RASSF5: variants seen among roughly 807,000 people sequenced by gnomAD.
The protein encoded by RASSF5 is ras association domain-containing protein 5.
RASSF5 carries 25 observed loss-of-function variants against 40.5 expected under a neutral mutation model. The observed-to-expected ratio is 0.62, with a 90% CI of 0.45 to 0.86. The LOEUF is 0.86. Ranked by LOEUF, RASSF5 falls within the 40% of genes least tolerant of loss-of-function variation. RASSF5 has a pLI of 0.00. For missense variants in RASSF5, 521 were observed against 572.8 expected (o/e 0.91, Z 0.92); for synonymous variants, 246 against 252.4 (o/e 0.97, Z 0.24).
chr1:206,538,718 G>A (rs923990309), intron 2 of RASSF5, among the ~76,000 whole-genome samples: 10 of 152,208 alleles, frequency 6.6e-5, no homozygotes, highest in African/African-American at 1.4e-4. Context: ...TTCTCTCCCT[G>A]TGTTAAAGAA....
intron 2 of RASSF5, among the ~76,000 whole-genome samples, chr1:206,564,342 T>C (rs1275768569): frequency 6.7e-6 from 1 of 148,414 alleles, no homozygotes; most frequent in Non-Finnish European, 1.5e-5. Context: ...CATCCCTCAC[T>C]CTCTGTTCTG....
intron 2 of RASSF5, among the ~76,000 whole-genome samples, chr1:206,549,707 C>G (rs1156665105): frequency 6.6e-6 from 1 of 152,158 alleles, no homozygotes; most frequent in East Asian, 1.9e-4. Context: ...TAAGATTTGT[C>G]AGGATTGGAA....
chr1:206,528,554 T>C (rs1322016487), intron 1 of RASSF5, among the ~76,000 whole-genome samples: 1 of 152,150 alleles, frequency 6.6e-6, no homozygotes, highest in Admixed American at 6.5e-5. Context: ...ATGTAAACTA[T>C]GGACTCTGGA....
chr1:206,555,942 T>C (rs1468136463), intron 2 of RASSF5, among the ~76,000 whole-genome samples: 1 of 152,044 alleles, frequency 6.6e-6, no homozygotes, highest in Non-Finnish European at 1.5e-5. Context: ...GGGGGCTGAG[T>C]CTAGTCCTCC....
chr1:206,518,616 A>T, intron 1 of RASSF5: 1 of 390,470 alleles, frequency 2.6e-6, no homozygotes, highest in Non-Finnish European at 4.5e-6. Flanking sequence ...CCCATAGAAA[A>T]GGAGTACAGG....
At chr1:206,529,788 G>A (rs1667189890) in intron 1 of RASSF5, 1 of 428,834 alleles carries the variant, frequency 2.3e-6, no homozygotes, top group Admixed American at 3.3e-5. Context: ...AACCAGGTGT[G>A]GTGGTGTGTG....
intron 2 of RASSF5, among the ~76,000 whole-genome samples, chr1:206,575,401 G>T (rs1378793095): frequency 2.0e-5 from 3 of 152,126 alleles, no homozygotes; most frequent in African/African-American, 7.2e-5. Flanking sequence ...TGGCTTCCGG[G>T]GTATTTTTTG....
At chr1:206,508,322 CCA>C (rs368124193) in intron 1 of RASSF5, among the ~76,000 whole-genome samples, 5,280 of 146,064 alleles carry the variant, frequency 0.036, 200 homozygotes, top group African/African-American at 0.099. Context: ...CCTTGGCCCT[CCA>C]CACACACACA....
Position 206,507,859 on chromosome 1 carries a change from G to T in RASSF5, c.257G>T (p.Gly86Val). The T allele has an allele frequency of 6.8e-7, 1 of 1,477,518 alleles. No individual in the cohort carries two copies. The highest frequency in any genetic ancestry group is 8.9e-7 in the Non-Finnish European group (1 of 1,120,828). 91.5% of individuals were successfully genotyped at this position (1,477,518 alleles called of 1,614,324 possible). Residue 86 changes from glycine to valine, a missense_variant, in exon 1 of 6, where the codon GGT (glycine) becomes GTT (valine). Coordinates refer to ENST00000579436, the MANE Select transcript of RASSF5 (RefSeq NM_182663.4). ...CGACCCGCTCGCCCGCTCCGGCCTG[G>T]TCTGCAGCAGAGACTGCGGCGGCGG... ...ASRPARPLRP[G>V]LQQRLRRRPG... is the part of the protein sequence containing the mutation.
At chr1:206,549,045 T>C (rs1447654874) in intron 2 of RASSF5, among the ~76,000 whole-genome samples, 1 of 152,134 alleles carries the variant, frequency 6.6e-6, no homozygotes, top group Non-Finnish European at 1.5e-5. Context: ...TTTGTATTTT[T>C]AGTAGAGACA....
chr1:206,511,881 C>A (rs915691266), intron 1 of RASSF5, among the ~76,000 whole-genome samples: 1 of 152,144 alleles, frequency 6.6e-6, no homozygotes, highest in Non-Finnish European at 1.5e-5. Flanking sequence ...GCAGACCCAT[C>A]CCCCGCTTGT....
chr1:206,563,377 G>A (rs1553402965), intron 2 of RASSF5, among the ~76,000 whole-genome samples: 3 of 152,158 alleles, frequency 2.0e-5, no homozygotes, highest in Admixed American at 6.5e-5. Context: ...CTGTTTCTTT[G>A]ACCTTGTACC....
At chr1:206,553,126 T>C (rs1293742276) in intron 2 of RASSF5, among the ~76,000 whole-genome samples, 2 of 151,942 alleles carry the variant, frequency 1.3e-5, no homozygotes, top group Non-Finnish European at 2.9e-5. Flanking sequence ...GGCGTGAACC[T>C]GGGAGGTGGA....
At chr1:206,540,854 C>T (rs1667528365) in intron 2 of RASSF5, among the ~76,000 whole-genome samples, 1 of 152,086 alleles carries the variant, frequency 6.6e-6, no homozygotes, top group African/African-American at 2.4e-5. Flanking sequence ...GTATATATGG[C>T]TTAGGGGGGT....
At chr1:206,525,144 CT>C (rs1421324027) in intron 1 of RASSF5, among the ~76,000 whole-genome samples, 4 of 152,190 alleles carry the variant, frequency 2.6e-5, no homozygotes, top group African/African-American at 7.2e-5. Context: ...CAGTACCTTC[CT>C]TTTGTTGATG....
At chr1:206,536,858 C>T (rs1553398747) in intron 1 of RASSF5, among the ~76,000 whole-genome samples, 2 of 152,058 alleles carry the variant, frequency 1.3e-5, no homozygotes, top group Non-Finnish European at 2.9e-5. Flanking sequence ...GATTCCAGCG[C>T]CTAGAAGGCT....
At chr1:206,550,098 C>T (rs143929995) in intron 2 of RASSF5, among the ~76,000 whole-genome samples, 33 of 152,246 alleles carry the variant, frequency 2.2e-4, no homozygotes, top group African/African-American at 6.3e-4. Flanking sequence ...CCTTAGTACC[C>T]GCTCTGCACC....
At position 206,578,344 on chromosome 1, in the gene RASSF5, T is replaced by C. The variant is rs375023507; in HGVS notation, c.580-4925T>C. On this transcript the variant is annotated intron_variant, in intron 2 of 5. Coordinates refer to ENST00000579436, the MANE Select transcript of RASSF5 (RefSeq NM_182663.4). ...AGCTTTAACCTTCCTGTGGCTCACT[T>C]TCCTTGACTGTAAAATGAGCATCAT... 7.9e-5 allele frequency among the ~76,000 whole-genome samples: 12 copies of C among 152,126 alleles called. No individual in the cohort carries two copies. The East Asian group carries it at 2.3e-3, about 29-fold the overall frequency.
rs1669049408 is a variant in RASSF5, at chr1:206,584,921, T to C, written c.988+237T>C. On this transcript the variant is annotated intron_variant, in intron 4 of 5. Coordinates refer to ENST00000579436, the MANE Select transcript of RASSF5 (RefSeq NM_182663.4). This position sits in a 1 kb window ranked among gnomAD's most constrained non-coding sequence, Gnocchi z 4.9. ...CCCTAGGCTCCCATTTCCTGATCTG[T>C]GCAATGGGAGGAATCTGCCCCACCA... 1.6e-6 allele frequency: 1 copy of C among 608,512 alleles called. No homozygotes were observed. Among genetic ancestry groups the C allele is most frequent in the Non-Finnish European group, 2.9e-6 (1 of 344,722 alleles). The allele number at this position is 608,512 out of a possible 1,614,324, so 37.7% of individuals were successfully genotyped here.
Sources: gnomAD v4.1 joint callset for allele counts (sites outside exome capture counted in the v4.1 genomes callset) on GRCh38, gnomAD v4.1.1 for gene constraint, Gnocchi (gnomAD v3.1) non-coding constraint, MANE v1.5 for transcripts, NCBI Gene and HGNC (gene_info 2026-07-23, HGNC 2026-07-21) for gene names.